Variants in STK32B observed in about 807,000 individuals in gnomAD.
STK32B encodes the protein serine/threonine-protein kinase 32B.
STK32B carries 43 observed loss-of-function variants against 52.6 expected under a neutral mutation model. The ratio of observed to expected loss-of-function variants is 0.82; its 90% CI spans 0.64 to 1.05. The LOEUF (loss-of-function observed/expected upper bound fraction) is 1.05, where lower values mean the gene tolerates loss of function less well. Ranked by LOEUF, STK32B falls within the 50% of genes least tolerant of loss-of-function variation. STK32B has a pLI of 0.00. For missense variants in STK32B, 621 were observed against 534.6 expected (o/e 1.16, Z -1.59); for synonymous variants, 238 against 204.3 (o/e 1.17, Z -1.41).
chr4:5,450,378 A>G (rs9995492), intron 7 of STK32B, among the ~76,000 whole-genome samples: 14,030 of 151,896 alleles, frequency 0.092, 1,052 homozygotes, highest in East Asian at 0.4. Flanking sequence ...TTAGCCACCC[A>G]TTGTCCCAAC....
At chr4:5,457,902 A>C (rs2109144612) in intron 8 of STK32B, among the ~76,000 whole-genome samples, 1 of 125,130 alleles carries the variant, frequency 8.0e-6, no homozygotes, top group East Asian at 2.8e-4. Flanking sequence ...GGAGGGAGGG[A>C]GGGATGGAGG....
At chr4:5,316,263 T>TATAGTATATATAATATATTATATACA (rs1730708398) in intron 3 of STK32B, among the ~76,000 whole-genome samples, 1 of 79,266 alleles carries the variant, frequency 1.3e-5, no homozygotes, top group African/African-American at 6.7e-5. Context: ...TAATATATTA[T>TATAGTATATATAATATATTATATACA]ATAGTATATA....
chr4:5,253,780 G>A lies in STK32B; in HGVS notation c.261-77440G>A, dbSNP rs376813010. Among the ~76,000 whole-genome samples, 5 of 152,292 alleles carry A rather than the reference G, an allele frequency of 3.3e-5. No individual in the cohort carries two copies. In the East Asian group the frequency reaches 5.8e-4, roughly 18 times the overall value. Reference sequence around the variant, plus strand: ...TACACTTGGAAACATCTAAGATGGTGAATTTTATATGTTTTTGTCACAACT... The same window carrying A: ...TACACTTGGAAACATCTAAGATGGTAAATTTTATATGTTTTTGTCACAACT... On this transcript the variant is annotated intron_variant, in intron 3 of 11. Coordinates refer to ENST00000282908, the MANE Select transcript of STK32B (RefSeq NM_018401.3).
chr4:5,067,342 A>C (rs1387227348), intron 1 of STK32B, among the ~76,000 whole-genome samples: 1 of 152,172 alleles, frequency 6.6e-6, no homozygotes, highest in Non-Finnish European at 1.5e-5. Context: ...GTGGGGACAC[A>C]GCCAAACCAT....
intron 3 of STK32B, among the ~76,000 whole-genome samples, chr4:5,219,201 C>T (rs1377337667): frequency 6.6e-6 from 1 of 152,168 alleles, no homozygotes; most frequent in Non-Finnish European, 1.5e-5. Context: ...GAATGGTTTT[C>T]CCCCTACACC....
At chr4:5,182,537 C>T (rs1720442632) in intron 3 of STK32B, among the ~76,000 whole-genome samples, 1 of 151,978 alleles carries the variant, frequency 6.6e-6, no homozygotes, top group Non-Finnish European at 1.5e-5. Flanking sequence ...TCTCAGCTCA[C>T]TGCAACCTCT....
the STK32B span, among the ~76,000 whole-genome samples, chr4:5,025,682 A>G: frequency 6.6e-6 from 1 of 152,160 alleles, no homozygotes; most frequent in Non-Finnish European, 1.5e-5. Flanking sequence ...CCATTTCTCT[A>G]CAAGTGTTTT....
At chr4:5,290,327 CACAA>C (rs1297061649) in intron 3 of STK32B, among the ~76,000 whole-genome samples, 2 of 152,030 alleles carry the variant, frequency 1.3e-5, no homozygotes, top group Non-Finnish European at 2.9e-5. Flanking sequence ...CAACGTAAAA[CACAA>C]ACATTTTACA....
chr4:5,250,950 G>A (rs1412557858), intron 3 of STK32B, among the ~76,000 whole-genome samples: 2 of 152,116 alleles, frequency 1.3e-5, no homozygotes, highest in Non-Finnish European at 2.9e-5. Context: ...TACAGATCCT[G>A]GATATTAGAC....
intron 1 of STK32B, among the ~76,000 whole-genome samples, chr4:5,063,526 A>G (rs916470629): frequency 3.3e-5 from 5 of 152,076 alleles, no homozygotes; most frequent in African/African-American, 1.2e-4. Flanking sequence ...TATTTTTAGT[A>G]GAGACGGGGT....
chr4:5,316,972 TATATAATATATAATATATATG>T (rs1282636726), intron 3 of STK32B, among the ~76,000 whole-genome samples: 5 of 33,080 alleles, frequency 1.5e-4, no homozygotes, highest in African/African-American at 5.6e-4. Flanking sequence ...ATATATAATA[TATATAATATATAATATATATG>T]ATATAATATA....
At chr4:5,084,937 G>A (rs1712634953) in intron 1 of STK32B, among the ~76,000 whole-genome samples, 1 of 152,108 alleles carries the variant, frequency 6.6e-6, no homozygotes, top group Non-Finnish European at 1.5e-5. Flanking sequence ...ATTTAATGTA[G>A]CAAGGGCCTC....
intron 3 of STK32B, among the ~76,000 whole-genome samples, chr4:5,273,926 A>G (rs1191854068): frequency 1.1e-4 from 16 of 151,582 alleles, no homozygotes; most frequent in East Asian, 7.8e-4. Flanking sequence ...CACCAGCATG[A>G]CACATGTATA....
intron 3 of STK32B, among the ~76,000 whole-genome samples, chr4:5,175,363 G>T (rs964612454): frequency 6.6e-6 from 1 of 152,190 alleles, no homozygotes; most frequent in Non-Finnish European, 1.5e-5. Context: ...CGTTCCTTTG[G>T]AGGAGAAGAG....
At chr4:5,181,099 G>C (rs1468466075) in intron 3 of STK32B, among the ~76,000 whole-genome samples, 3 of 152,094 alleles carry the variant, frequency 2.0e-5, no homozygotes, top group Non-Finnish European at 4.4e-5. Context: ...TTTGAGGTCT[G>C]ACCTCCCAGG....
intron 3 of STK32B, among the ~76,000 whole-genome samples, chr4:5,285,338 A>G (rs1367955225): frequency 2.0e-5 from 3 of 152,140 alleles, no homozygotes; most frequent in African/African-American, 7.2e-5. Flanking sequence ...TGATAAAAAT[A>G]TATCTGTGAC....
chr4:5,275,614 G>C (rs929196675), intron 3 of STK32B, among the ~76,000 whole-genome samples: 1 of 152,030 alleles, frequency 6.6e-6, no homozygotes, highest in Non-Finnish European at 1.5e-5. Flanking sequence ...TGTTGTCTCG[G>C]TGATTGCCAT....
intron 4 of STK32B, among the ~76,000 whole-genome samples, chr4:5,339,019 G>C (rs1346460446): frequency 6.6e-6 from 1 of 152,094 alleles, no homozygotes; most frequent in Non-Finnish European, 1.5e-5. Flanking sequence ...TTCCTCTGAG[G>C]GCCTGAATAG....
chr4:5,463,474 A>T (rs1717187957), intron 9 of STK32B, among the ~76,000 whole-genome samples: 1 of 129,372 alleles, frequency 7.7e-6, no homozygotes, highest in African/African-American at 2.7e-5. Context: ...GCACACTCAC[A>T]CACTCAGTCA....
Sources: allele counts gnomAD v4.1 joint callset (sites outside exome capture counted in the v4.1 genomes callset), GRCh38; gene constraint gnomAD v4.1.1; transcripts MANE v1.5; gene names NCBI Gene and HGNC (gene_info 2026-07-23, HGNC 2026-07-21).